Variants in MAP3K13 observed in about 807,000 individuals in gnomAD.
MAP3K13 encodes mitogen-activated protein kinase kinase kinase 13, also known as leucine zipper-bearing kinase.
In MAP3K13, 52 loss-of-function variants were observed where a neutral mutation model predicts 104.0. That is an observed-to-expected ratio of 0.50 (90% CI 0.40 to 0.63). The LOEUF (loss-of-function observed/expected upper bound fraction) is 0.63. Ranked by LOEUF, MAP3K13 falls within the 20% of genes least tolerant of loss-of-function variation. MAP3K13 has a pLI of 0.00. For synonymous variants in MAP3K13, 394 were observed against 442.2 expected, an observed-to-expected ratio of 0.89 and a Z score of 1.37; for missense variants, 914 against 1,218.5, an observed-to-expected ratio of 0.75 and a Z score of 3.72.
intron 1 of MAP3K13, among the ~76,000 whole-genome samples, chr3:185,369,938 A>G (rs1210950705): frequency 2.0e-5 from 3 of 152,246 alleles, no homozygotes; most frequent in Admixed American, 1.3e-4. Flanking sequence ...GAGTCTATGT[A>G]GCAATCAGGT....
intron 1 of MAP3K13, among the ~76,000 whole-genome samples, chr3:185,424,929 A>G (rs1714329015): frequency 6.6e-6 from 1 of 152,102 alleles, no homozygotes; most frequent in African/African-American, 2.4e-5. Context: ...GGCTAAAGTG[A>G]TTCTCCCACC....
chr3:185,377,876 G>A (rs971444156), intron 1 of MAP3K13, among the ~76,000 whole-genome samples: 5 of 152,236 alleles, frequency 3.3e-5, no homozygotes, highest in Non-Finnish European at 7.3e-5. Flanking sequence ...AGTGGCTGCC[G>A]GGCGAGTTGG....
At chr3:185,433,345 G>A (rs374231206) in intron 2 of MAP3K13, among the ~76,000 whole-genome samples, 4 of 152,320 alleles carry the variant, frequency 2.6e-5, no homozygotes, top group Non-Finnish European at 4.4e-5. Flanking sequence ...GGGAAGAGTA[G>A]CAGTGGGACA....
rs1347656509 is a variant in MAP3K13 at position 185,453,828 on chromosome 3, T to C, written c.1278+2433T>C. The stretch of plus-strand genomic sequence containing the variant: ...ATATATATGATACATATATATGAGA[T>C]ATATATATATGATACATATATATGA... On this transcript the variant is annotated intron_variant, in intron 7 of 13. Transcript: ENST00000265026. Among the ~76,000 whole-genome samples the C allele has an allele frequency of 2.4e-3, 31 of 12,938 alleles. 2 individuals carry two copies. The highest frequency in any genetic ancestry group is 6.7e-3 in the Admixed American group (5 of 742). The allele number at this position is 12,938 out of a possible 152,430, so 8.5% of individuals were successfully genotyped here. A position where few individuals can be genotyped will look rare whatever the true frequency, so the allele number is the denominator to read the frequency against.
chr3:185,473,001 T>A lies in MAP3K13; in HGVS notation c.1670T>A (p.Ile557Asn). ...KRPDLLRSEG[I>N]PTTEVAPTAS... ...CCAGACTTGTTGAGATCAGAAGGGA[T>A]CCCCACCACAGAAGTGGCTCCCACT... The change falls in exon 11 of 14, where the codon ATC becomes AAC. Residue 557 changes from isoleucine (I) to asparagine (N), a missense_variant. Around this residue, in one of 3 missense-constraint regions of MAP3K13, gnomAD observed 583 missense variants for 737.4 expected, o/e 0.79. Transcript: ENST00000265026. This position sits in a 1 kb window ranked among gnomAD's most constrained non-coding sequence, Gnocchi z 4.9. The A allele has an allele frequency of 6.2e-7, 1 of 1,614,046 alleles. No individual in the cohort carries two copies. The highest frequency in any genetic ancestry group is 8.5e-7 in the Non-Finnish European group (1 of 1,179,998).
At chr3:185,401,348 G>T (rs561455125) in intron 1 of MAP3K13, among the ~76,000 whole-genome samples, 1 of 152,284 alleles carries the variant, frequency 6.6e-6, no homozygotes, top group East Asian at 1.9e-4. Context: ...GTGGGAGCAG[G>T]TGAGTGAGAG....
chr3:185,293,936 A>G (rs1720832704), intron 2 of MAP3K13, among the ~76,000 whole-genome samples: 1 of 152,224 alleles, frequency 6.6e-6, no homozygotes, highest in Non-Finnish European at 1.5e-5. Context: ...TTTAATATCT[A>G]TTCTGATAAT....
At chr3:185,400,166 C>G (rs960288962) in intron 1 of MAP3K13, among the ~76,000 whole-genome samples, 1 of 152,174 alleles carries the variant, frequency 6.6e-6, no homozygotes, top group Non-Finnish European at 1.5e-5. Flanking sequence ...GCCCTATTTT[C>G]GACATCTCTC....
intron 1 of MAP3K13, among the ~76,000 whole-genome samples, chr3:185,389,389 C>A (rs528991505): frequency 1.0e-3 from 156 of 152,110 alleles, no homozygotes; most frequent in African/African-American, 3.6e-3. Context: ...AATTACAGAA[C>A]CTAACAGGGG....
chr3:185,445,080 G>C (rs1237116699), intron 4 of MAP3K13, among the ~76,000 whole-genome samples: 1 of 49,158 alleles, frequency 2.0e-5, no homozygotes, highest in Non-Finnish European at 7.3e-5. Context: ...TAATATCTTA[G>C]GGGGAATCCA....
At chr3:185,334,047 C>T (rs1420217253) in intron 2 of MAP3K13, among the ~76,000 whole-genome samples, 1 of 151,950 alleles carries the variant, frequency 6.6e-6, no homozygotes, top group Non-Finnish European at 1.5e-5. Flanking sequence ...GAGTGAGACC[C>T]TGTCTCAAAA....
intron 1 of MAP3K13, among the ~76,000 whole-genome samples, chr3:185,426,180 G>A (rs998471309): frequency 1.4e-4 from 22 of 152,092 alleles, no homozygotes; most frequent in East Asian, 9.7e-4. Context: ...TGCTGGGTTC[G>A]AGCAATTCTC....
rs1169585200 is a variant in MAP3K13 at position 185,473,995 on chromosome 3, G to T, written c.2430+234G>T. 2.0e-5 allele frequency among the ~76,000 whole-genome samples: 3 copies of T among 152,198 alleles called. No individual in the cohort carries two copies. The highest frequency in any genetic ancestry group is 7.2e-5 in the African/African-American group (3 of 41,460). On this transcript the variant is annotated intron_variant, in intron 11 of 13. Transcript: ENST00000265026. This position sits in a 1 kb window ranked among gnomAD's most constrained non-coding sequence, Gnocchi z 4.9. Reference sequence around the variant, plus strand: ...ACTGAACCAGAGGACTGAGTCAAGTGTATGTATAATAACTTATTTATAGAT... The same window carrying T: ...ACTGAACCAGAGGACTGAGTCAAGTTTATGTATAATAACTTATTTATAGAT...
intron 2 of MAP3K13, among the ~76,000 whole-genome samples, chr3:185,310,669 A>G (rs375718282): frequency 1.3e-5 from 2 of 152,222 alleles, no homozygotes; most frequent in East Asian, 3.8e-4. Flanking sequence ...ATAAATTTGA[A>G]GGCAGATCCA....
chr3:185,384,564 T>C (rs1711570181), intron 1 of MAP3K13, among the ~76,000 whole-genome samples: 1 of 152,140 alleles, frequency 6.6e-6, no homozygotes, highest in African/African-American at 2.4e-5. Flanking sequence ...AATGGCTGTA[T>C]TTATTGATGT....
intron 7 of MAP3K13, among the ~76,000 whole-genome samples, chr3:185,460,819 T>C (rs2148912764): frequency 6.6e-6 from 1 of 152,336 alleles, no homozygotes; most frequent in South Asian, 2.1e-4. Context: ...AAAGTTCTCC[T>C]TGAGTTTCCC....
At chr3:185,404,445 C>T (rs921896990) in intron 1 of MAP3K13, among the ~76,000 whole-genome samples, 1 of 152,076 alleles carries the variant, frequency 6.6e-6, no homozygotes, top group Non-Finnish European at 1.5e-5. Flanking sequence ...TACACTTGAG[C>T]GTGAGAGCTG....
At chr3:185,480,914 A>G (rs1249809932) in intron 13 of MAP3K13, among the ~76,000 whole-genome samples, 2 of 152,148 alleles carry the variant, frequency 1.3e-5, no homozygotes, top group Non-Finnish European at 2.9e-5. Flanking sequence ...GCAAGGGGGA[A>G]ATCCACTCCC....
intron 2 of MAP3K13, chr3:185,291,584 A>G (rs764532511): frequency 1.3e-6 from 2 of 1,499,190 alleles, no homozygotes; most frequent in Non-Finnish European, 1.8e-6. Context: ...TTGTAGTAGA[A>G]TTTTTTTGTG....
Sources: gnomAD v4.1 joint callset for allele counts (sites outside exome capture counted in the v4.1 genomes callset) on GRCh38, gnomAD v4.1.1 for gene constraint, gnomAD v4.1.1 regional missense constraint, Gnocchi (gnomAD v3.1) non-coding constraint, MANE v1.5 for transcripts, NCBI Gene and HGNC (gene_info 2026-07-23, HGNC 2026-07-21) for gene names.